Variants in TCF20 observed in about 807,000 individuals in gnomAD.
TCF20 encodes SPRE-binding protein.
In TCF20, 3 loss-of-function variants were observed where a neutral mutation model predicts 148.6. The observed-to-expected ratio is 0.02, with a 90% CI of 0.01 to 0.05. The LOEUF is 0.05. Among genes scored for constraint, TCF20 ranks in the 10% least tolerant of loss-of-function variants. TCF20 has a pLI of 1.00. For missense variants in TCF20, 2,350 were observed against 2,429.3 expected, an observed-to-expected ratio of 0.97 and a Z score of 0.69; for synonymous variants, 1,049 against 909.5, an observed-to-expected ratio of 1.15 and a Z score of -2.76.
chr22:42,163,865 T>A (rs1307137010), intron 5 of TCF20, among the ~76,000 whole-genome samples: 1 of 152,178 alleles, frequency 6.6e-6, no homozygotes, highest in African/African-American at 2.4e-5. Context: ...GGCCAACACC[T>A]TCCCAGGCTC....
intron 1 of TCF20, among the ~76,000 whole-genome samples, chr22:42,303,784 G>A (rs571188020): frequency 1.3e-5 from 2 of 152,038 alleles, no homozygotes; most frequent in Non-Finnish European, 2.9e-5. Flanking sequence ...GAAGAGGACT[G>A]GGGGAGAAGA....
intron 1 of TCF20, among the ~76,000 whole-genome samples, chr22:42,239,478 G>GAA (rs56961957): frequency 3.0e-3 from 431 of 143,994 alleles, no homozygotes; most frequent in Admixed American, 4.5e-3. Context: ...ATCTCTCTCA[G>GAA]AAAAAAAAAA....
intron 2 of TCF20, among the ~76,000 whole-genome samples, chr22:42,188,293 C>CAAAAAAAAAA (rs58945649): frequency 0.051 from 2,521 of 49,406 alleles, 754 homozygotes; most frequent in Non-Finnish European, 0.082. Flanking sequence ...AACTCCGTCT[C>CAAAAAAAAAA]AAAAAAAAAA....
intron 2 of TCF20, among the ~76,000 whole-genome samples, chr22:42,204,553 A>G (rs972463068): frequency 2.6e-5 from 4 of 152,092 alleles, no homozygotes; most frequent in Admixed American, 2.0e-4. Flanking sequence ...TCAGAAATTT[A>G]AAGAAAATTG....
chr22:42,170,626 C>CAAAAAAA (rs58579686), intron 3 of TCF20, among the ~76,000 whole-genome samples: 2,445 of 72,020 alleles, frequency 0.034, 387 homozygotes, highest in Non-Finnish European at 0.04. Flanking sequence ...GACTCCGTCT[C>CAAAAAAA]AAAAAAAAAA....
At chr22:42,232,416 C>A (rs556363957) in intron 1 of TCF20, among the ~76,000 whole-genome samples, 1 of 151,996 alleles carries the variant, frequency 6.6e-6, no homozygotes, top group African/African-American at 2.4e-5. Context: ...AAAAAAACAA[C>A]GTACCACCAG....
intron 2 of TCF20, among the ~76,000 whole-genome samples, chr22:42,198,065 T>C (rs1937698439): frequency 6.6e-6 from 1 of 152,138 alleles, no homozygotes; most frequent in Non-Finnish European, 1.5e-5. Context: ...TATTGCTCCA[T>C]AGAAAGTAGT....
At chr22:42,204,436 C>T (rs999525165) in intron 2 of TCF20, among the ~76,000 whole-genome samples, 7 of 151,848 alleles carry the variant, frequency 4.6e-5, no homozygotes, top group African/African-American at 1.5e-4. Flanking sequence ...CGGAGGTTGC[C>T]GTGAGCCGAG....
chr22:42,245,341 C>T (rs2147327848), intron 1 of TCF20, among the ~76,000 whole-genome samples: 1 of 152,208 alleles, frequency 6.6e-6, no homozygotes, highest in African/African-American at 2.4e-5. Flanking sequence ...ACCTAGCATC[C>T]CATTGTAGGC....
intron 1 of TCF20, among the ~76,000 whole-genome samples, chr22:42,231,928 C>A (rs1387877923): frequency 8.0e-4 from 98 of 123,234 alleles, no homozygotes; most frequent in African/African-American, 1.4e-3. Context: ...GACTCCGTCT[C>A]AAAAAAAAAA....
intron 2 of TCF20, among the ~76,000 whole-genome samples, chr22:42,191,226 A>T (rs556544692): frequency 1.5e-4 from 23 of 152,338 alleles, no homozygotes; most frequent in African/African-American, 5.3e-4. Flanking sequence ...AGGCCAACAC[A>T]GGTGTCACTA....
chr22:42,245,025 G>T (rs1924787930), intron 1 of TCF20, among the ~76,000 whole-genome samples: 1 of 152,096 alleles, frequency 6.6e-6, no homozygotes, highest in Admixed American at 6.5e-5. Flanking sequence ...GGAGATTGCA[G>T]TGAGCCGTGA....
chr22:42,241,827 CTT>C (rs1286877110), intron 1 of TCF20, among the ~76,000 whole-genome samples: 1 of 149,884 alleles, frequency 6.7e-6, no homozygotes, highest in Non-Finnish European at 1.5e-5. Flanking sequence ...GAGTGAGACT[CTT>C]GTCTCAAAAA....
intron 2 of TCF20, among the ~76,000 whole-genome samples, chr22:42,185,657 A>G (rs766679775): frequency 1.3e-5 from 2 of 152,166 alleles, no homozygotes; most frequent in Non-Finnish European, 2.9e-5. Context: ...CCCTGTGAGC[A>G]TTTCTTTGAT....
chr22:42,211,786 C>A lies in TCF20; in HGVS notation c.3520G>T (p.Gly1174Cys). 6.2e-7 allele frequency: 1 copy of A among 1,614,174 alleles called. No homozygotes were observed. Among genetic ancestry groups the A allele is most frequent in the Non-Finnish European group, 8.5e-7 (1 of 1,180,044 alleles). ...TGGGAGCCATGCTTTAATTCCATGC[C>A]CTTGTTAGGCAGACCATCACTAGAC... ...LMSSDGLPNK[G>C]MELKHGSQKL... The change falls in exon 2 of 6, where the codon GGC (glycine) becomes TGC (cysteine). Residue 1174 changes from glycine (G) to cysteine (C), a missense_variant. Physicochemically the swap from Gly to Cys is radical, Grantham distance 159. Transcript: ENST00000677622.
Position 42,215,109 on chromosome 22 carries a change from G to A in TCF20, c.197C>T (p.Ala66Val), listed in dbSNP as rs137863794. 471 of 1,614,120 alleles carry A rather than the reference G, an allele frequency of 2.9e-4. 4 individuals are homozygous for A. In the African/African-American group the frequency reaches 4.9e-3, roughly 17 times the overall value. Reference sequence around the variant, plus strand: ...AGAGGTCTCGCTAGCCATCGCTGCCGCAGCAGCTGCTGCTCCTCGTCGTCC... The same window carrying A: ...AGAGGTCTCGCTAGCCATCGCTGCCACAGCAGCTGCTGCTCCTCGTCGTCC... ...GGGRRGAAAA[A>V]AAMASETSGH... The change falls in exon 2 of 6, where the codon GCG becomes GTG. Residue 66 changes from alanine to valine, a missense_variant. By Grantham distance (64) the Ala-to-Val change is moderately conservative. Coordinates refer to ENST00000677622, the MANE Select transcript of TCF20 (RefSeq NM_001378418.1).
chr22:42,293,484 A>G (rs1314295751), intron 1 of TCF20, among the ~76,000 whole-genome samples: 1 of 152,180 alleles, frequency 6.6e-6, no homozygotes, highest in Non-Finnish European at 1.5e-5. Context: ...TTCTCATTCC[A>G]CAAATGAGAG....
chr22:42,193,288 CTTTTT>C (rs540026059), intron 2 of TCF20, among the ~76,000 whole-genome samples: 2 of 141,932 alleles, frequency 1.4e-5, no homozygotes, highest in Non-Finnish European at 3.1e-5. Flanking sequence ...TCCACCTACA[CTTTTT>C]TTTTTTTTTG....
intron 1 of TCF20, among the ~76,000 whole-genome samples, chr22:42,230,927 G>A (rs888590711): frequency 1.3e-5 from 2 of 152,146 alleles, no homozygotes; most frequent in African/African-American, 4.8e-5. Flanking sequence ...GGAAGGCCAA[G>A]GTGGGTGGAT....
Sources: allele counts gnomAD v4.1 joint callset (sites outside exome capture counted in the v4.1 genomes callset), GRCh38; gene constraint gnomAD v4.1.1; transcripts MANE v1.5; gene names NCBI Gene and HGNC (gene_info 2026-07-23, HGNC 2026-07-21).